MAK16: variants seen among roughly 807,000 people sequenced by gnomAD.
The protein encoded by MAK16 is protein MAK16 homolog.
In MAK16, 12 loss-of-function variants were observed where a neutral mutation model predicts 49.9. The ratio of observed to expected loss-of-function variants is 0.24; its 90% CI spans 0.15 to 0.39. The LOEUF is 0.39. Ranked by LOEUF, MAK16 falls within the 10% of genes least tolerant of loss-of-function variation. The pLI, the probability that MAK16 is intolerant of heterozygous loss-of-function variation, is 1.00. For missense variants in MAK16, 292 were observed against 363.7 expected (o/e 0.80, Z 1.60); for synonymous variants, 115 against 126.4 (o/e 0.91, Z 0.60).
intron 6 of MAK16, 94 bp downstream of exon 6, chr8:33,490,433 C>A (rs780150812): frequency 1.4e-5 from 13 of 913,708 alleles, no homozygotes; most frequent in Non-Finnish European, 2.2e-5. Context: ...CTGTTGAGGC[C>A]TTGGATAATG....
chr8:33,500,399 T>C lies in MAK16; in HGVS notation c.*1770T>C, dbSNP rs773323960. ...GTGGCCTCCTGTAGCAGGGCGCTCT[T>C]AACAGACTCAGGTGTAAGGTTTGGA... On this transcript the variant is annotated 3_prime_UTR_variant, in exon 10 of 10. Transcript: ENST00000360128. The C allele has an allele frequency of 6.2e-6, 10 of 1,614,062 alleles. No individual in the cohort carries two copies. The highest frequency in any genetic ancestry group is 7.6e-6 in the Non-Finnish European group (9 of 1,180,032).
At chr8:33,490,014 C>T (rs1808751557) in intron 5 of MAK16, among the ~76,000 whole-genome samples, 1 of 152,150 alleles carries the variant, frequency 6.6e-6, no homozygotes, top group African/African-American at 2.4e-5. Flanking sequence ...GATTAAAATA[C>T]ATGTAAAAAT....
chr8:33,485,647 C>T (rs1321355051), intron 1 of MAK16: 4 of 229,822 alleles, frequency 1.7e-5, no homozygotes, highest in Non-Finnish European at 3.5e-5. Context: ...CTTTTCTTTA[C>T]ATTTGCTCTA....
At position 33,498,688 on chromosome 8, in the gene MAK16, T is replaced by TTTA; in HGVS notation, c.*60_*61insTAT. On this transcript the variant is annotated 3_prime_UTR_variant, in exon 10 of 10. Transcript: ENST00000360128. ...ATGCAGAACTGTTTTTTTTTTTTTT[T>TTTA]TATCTTAAACACATACACACCTCCA... is the stretch of plus-strand genomic sequence containing the variant. The TTTA allele has an allele frequency of 1.4e-6, 2 of 1,464,474 alleles. No individual in the cohort carries two copies. The highest frequency in any genetic ancestry group is 1.9e-6 in the Non-Finnish European group (2 of 1,073,748). The allele number at this position is 1,464,474 out of a possible 1,614,324, so 90.7% of individuals were successfully genotyped here. A position where few individuals can be genotyped will look rare whatever the true frequency, so the allele number is the denominator to read the frequency against.
rs1808681174 is a variant in MAK16, at chr8:33,486,015, AG to A, written c.15+796del. Among the ~76,000 whole-genome samples, 5 of 152,338 alleles carry A rather than the reference AG, an allele frequency of 3.3e-5. No individual in the cohort carries two copies. In the South Asian group the frequency reaches 1.0e-3, roughly 32 times the overall value. ...TGAGGAGCTGAGGAAAAAGCAATCCAGGCAGTAGGAACAGTAAAGTACAAAG... is the reference window on the plus strand; with the variant it reads ...TGAGGAGCTGAGGAAAAAGCAATCCAGCAGTAGGAACAGTAAAGTACAAAG... On this transcript the variant is annotated intron_variant, in intron 1 of 9. Transcript: ENST00000360128.
rs1809002063 is a variant in MAK16, at chr8:33,499,905, T to C, written c.*1276T>C. The C allele has an allele frequency of 6.3e-6, 1 of 158,282 alleles. No homozygotes were observed. The highest frequency in any genetic ancestry group is 1.4e-5 in the Non-Finnish European group (1 of 72,096). 9.8% of individuals were successfully genotyped at this position (158,282 alleles called of 1,614,324 possible). On this transcript the variant is annotated 3_prime_UTR_variant, in exon 10 of 10. Transcript: ENST00000360128. The stretch of plus-strand genomic sequence containing the variant: ...TAAATTAAGAATAGGGAAAAACATC[T>C]ACCTAAAAGATGGTTGTCCCTAAAA...
chr8:33,499,254 T>C lies in MAK16; in HGVS notation c.*625T>C. On this transcript the variant is annotated 3_prime_UTR_variant, in exon 10 of 10. Coordinates refer to ENST00000360128, the MANE Select transcript of MAK16 (RefSeq NM_032509.4). ...TCACCACTTTTCTGTCTTCACAGCT[T>C]TGGGGAATTTTGGCCAGGAGACCCT... 5 of 1,614,032 alleles carry C rather than the reference T, an allele frequency of 3.1e-6. No individual in the cohort carries two copies. Among genetic ancestry groups the C allele is most frequent in the Non-Finnish European group, 4.2e-6 (5 of 1,179,982 alleles).
At chr8:33,490,227 C>A in intron 5 of MAK16, 58 bp from the exon 6 acceptor site, 1 of 1,415,706 alleles carries the variant, frequency 7.1e-7, no homozygotes. Flanking sequence ...TCTTCTCATC[C>A]TTAAAAAGGA....
At position 33,489,188 on chromosome 8, in the gene MAK16, C is replaced by G; in HGVS notation, c.392+49C>G. On this transcript the variant is annotated intron_variant, in intron 5 of 9. Transcript: ENST00000360128. This position sits in a 1 kb window ranked among gnomAD's most constrained non-coding sequence, Gnocchi z 4.2. ...TTTTTAAATCTCTCTTTTTATGGAG[C>G]TTGTTTTGAAGTTGAGAAATTGTGA... is the stretch of plus-strand genomic sequence containing the variant. The G allele has an allele frequency of 1.3e-6, 2 of 1,543,064 alleles. No individual in the cohort carries two copies. The highest frequency in any genetic ancestry group is 3.7e-5 in the Admixed American group (2 of 53,824).
Position 33,495,601 on chromosome 8 carries a change from A to G in MAK16, c.507A>G (p.Arg169=), listed in dbSNP as rs1398705463. The G allele has an allele frequency of 1.9e-6, 3 of 1,610,222 alleles. No individual in the cohort carries two copies. Among genetic ancestry groups the G allele is most frequent in the Non-Finnish European group, 2.5e-6 (3 of 1,177,802 alleles). The stretch of plus-strand genomic sequence containing the variant: ...CCATTGAGAAGGAATTACTGGAGAG[A>G]CTGAAACAAGATACGGTGAGAAAGC... ...DNAIEKELLE[R]LKQDTYGDIY... is the part of the protein sequence containing the mutation. Residue 169 remains arginine (R), a synonymous_variant, in exon 7 of 10, where the codon AGA becomes AGG. Coordinates refer to ENST00000360128, the MANE Select transcript of MAK16 (RefSeq NM_032509.4).
chr8:33,494,139 T>C (rs1808819187), intron 6 of MAK16, among the ~76,000 whole-genome samples: 1 of 152,230 alleles, frequency 6.6e-6, no homozygotes, highest in African/African-American at 2.4e-5. Context: ...AGTGGCGCCA[T>C]CTCGGCTCAC....
At chr8:33,497,831 C>T (rs1480947039) in intron 9 of MAK16, among the ~76,000 whole-genome samples, 1 of 151,742 alleles carries the variant, frequency 6.6e-6, no homozygotes, top group Non-Finnish European at 1.5e-5. Flanking sequence ...CGTGGTGGCT[C>T]ACGCCTATAA....
At chr8:33,488,004 C>G (rs1404475043) in intron 1 of MAK16, among the ~76,000 whole-genome samples, 2 of 152,168 alleles carry the variant, frequency 1.3e-5, no homozygotes, top group Admixed American at 6.5e-5. Context: ...TCTCGGCTCA[C>G]CGCAACCTCC....
chr8:33,498,745 A>G lies in MAK16; in HGVS notation c.*116A>G, dbSNP rs756108590. The G allele has an allele frequency of 1.0e-5, 9 of 865,620 alleles. No individual in the cohort carries two copies. Among genetic ancestry groups the G allele is most frequent in the Non-Finnish European group, 1.4e-5 (8 of 566,036 alleles). 53.6% of individuals were successfully genotyped at this position (865,620 alleles called of 1,614,324 possible). On this transcript the variant is annotated 3_prime_UTR_variant, in exon 10 of 10. Transcript: ENST00000360128. ...GCTCTTTTGTGTTGTACTGAACACA[A>G]TATTTGTGTTTTTATTATTTATGCC...
intron 9 of MAK16, 34 bp from the exon 10 acceptor site, chr8:33,498,398 C>T: frequency 6.3e-7 from 1 of 1,598,706 alleles, no homozygotes; most frequent in Non-Finnish European, 8.6e-7. Flanking sequence ...CTAGTGTTTT[C>T]CCTCTTCCTT....
intron 6 of MAK16, 143 bp downstream of exon 6, chr8:33,490,482 A>T (rs2676403): frequency 7.5e-6 from 4 of 532,616 alleles, no homozygotes; most frequent in African/African-American, 2.0e-5. Context: ...TAAGACATTT[A>T]ATTTTTCATA....
At position 33,489,216 on chromosome 8, in the gene MAK16, C is replaced by A; in HGVS notation, c.392+77C>A. On this transcript the variant is annotated intron_variant, in intron 5 of 9. Coordinates refer to ENST00000360128, the MANE Select transcript of MAK16 (RefSeq NM_032509.4). This position sits in a 1 kb window ranked among gnomAD's most constrained non-coding sequence, Gnocchi z 4.2. ...GTTTTGAAGTTGAGAAATTGTGAAA[C>A]TTCGGGGCTTTCTATTCAACTTTGT... 7.5e-7 allele frequency: 1 copy of A among 1,341,068 alleles called. No homozygotes were observed. Among genetic ancestry groups the A allele is most frequent in the Non-Finnish European group, 1.0e-6 (1 of 966,066 alleles). 83.1% of individuals were successfully genotyped at this position (1,341,068 alleles called of 1,614,324 possible).
intron 6 of MAK16, among the ~76,000 whole-genome samples, chr8:33,491,590 T>A (rs1394583065): frequency 6.6e-6 from 1 of 151,780 alleles, no homozygotes; most frequent in Non-Finnish European, 1.5e-5. Flanking sequence ...GAAAAATGTC[T>A]ACTCAAATCT....
chr8:33,496,508 T>C lies in MAK16; in HGVS notation c.523-117T>C, dbSNP rs955268449. On this transcript the variant is annotated intron_variant, in intron 7 of 9. Coordinates refer to ENST00000360128, the MANE Select transcript of MAK16 (RefSeq NM_032509.4). ...GCTCTACACTTAAAAATATTACTCATCAAATTAAGTATTCTGATTTAATCA... is the reference window on the plus strand; with the variant it reads ...GCTCTACACTTAAAAATATTACTCACCAAATTAAGTATTCTGATTTAATCA... The C allele has an allele frequency of 2.6e-5, 18 of 688,604 alleles. No individual in the cohort carries two copies. In the African/African-American group the frequency reaches 2.7e-4, roughly 10 times the overall value. The allele number at this position is 688,604 out of a possible 1,614,324, so 42.7% of individuals were successfully genotyped here. A position where few individuals can be genotyped will look rare whatever the true frequency, so the allele number is the denominator to read the frequency against.
Sources: gnomAD v4.1 joint callset for allele counts (sites outside exome capture counted in the v4.1 genomes callset) on GRCh38, gnomAD v4.1.1 for gene constraint, Gnocchi (gnomAD v3.1) non-coding constraint, MANE v1.5 for transcripts, NCBI Gene and HGNC (gene_info 2026-07-23, HGNC 2026-07-21) for gene names.